The following ZFP90 variants were observed in gnomAD, a reference collection of about 807,000 sequenced individuals.
The protein encoded by ZFP90 is ZFP90 zinc finger protein, also known as zinc finger protein 90 homolog.
A neutral mutation model predicts 60.8 loss-of-function variants in ZFP90; 38 were observed. The ratio of observed to expected loss-of-function variants is 0.62; its 90% CI spans 0.48 to 0.82. The LOEUF (loss-of-function observed/expected upper bound fraction) is 0.82, where lower values mean the gene tolerates loss of function less well. ZFP90 is among the 40% of genes least tolerant of loss of function. The pLI is 0.00. For missense variants in ZFP90, 711 were observed against 759.1 expected, an observed-to-expected ratio of 0.94 and a Z score of 0.74; for synonymous variants, 287 against 264.8, an observed-to-expected ratio of 1.08 and a Z score of -0.82.
downstream of ZFP90, among the ~76,000 whole-genome samples, chr16:68,569,776 C>A (rs1042507926): frequency 6.6e-6 from 1 of 151,970 alleles, no homozygotes; most frequent in Non-Finnish European, 1.5e-5. Flanking sequence ...AACGTGGTCT[C>A]AAAAAAATAA....
chr16:68,545,912 C>T (rs1777494276), intron 2 of ZFP90, among the ~76,000 whole-genome samples: 1 of 152,180 alleles, frequency 6.6e-6, no homozygotes, highest in African/African-American at 2.4e-5. Context: ...CAGTGGCTCA[C>T]ACCTGTAATC....
At chr16:68,548,129 G>T (rs1448160391) in intron 2 of ZFP90, among the ~76,000 whole-genome samples, 1 of 151,964 alleles carries the variant, frequency 6.6e-6, no homozygotes, top group African/African-American at 2.4e-5. Flanking sequence ...GTCCGGCCCA[G>T]TTGATCATTT....
chr16:68,548,382 C>A (rs1175980080), intron 2 of ZFP90, among the ~76,000 whole-genome samples: 3 of 148,142 alleles, frequency 2.0e-5, no homozygotes, highest in Non-Finnish European at 3.0e-5. Context: ...TTTGTGTAAA[C>A]ATTGGTAGTT....
downstream of ZFP90, among the ~76,000 whole-genome samples, chr16:68,570,901 G>T (rs550161213): frequency 6.6e-6 from 1 of 152,132 alleles, no homozygotes; most frequent in Admixed American, 6.6e-5. Context: ...TTCCCCCAGG[G>T]CTCAGTTCTG....
rs193179258 is a variant in ZFP90 at position 68,541,531 on chromosome 16, G to C, written c.33+1706G>C. 3.6e-4 allele frequency among the ~76,000 whole-genome samples: 55 copies of C among 152,040 alleles called. 2 individuals carry two copies. Among genetic ancestry groups the C allele is most frequent in the Non-Finnish European group, 1.3e-4 (9 of 67,960 alleles). ...AGATGGGGTTTCACCATGTTGGCCA[G>C]GATGGTCTCGATCTCCTGACCTCCC... On this transcript the variant is annotated intron_variant, in intron 2 of 4. Transcript: ENST00000563169.
intron 2 of ZFP90, among the ~76,000 whole-genome samples, 169 bp downstream of exon 2, chr16:68,539,994 C>G (rs368711069): frequency 6.6e-6 from 1 of 152,174 alleles, no homozygotes; most frequent in Non-Finnish European, 1.5e-5. Flanking sequence ...GCTGGATTCC[C>G]AAAGGGGAGG....
At chr16:68,552,732 C>CT (rs1172180877) in intron 2 of ZFP90, among the ~76,000 whole-genome samples, 4 of 152,056 alleles carry the variant, frequency 2.6e-5, no homozygotes, top group Non-Finnish European at 4.4e-5. Context: ...ACTGAGGAAT[C>CT]TAAGTTTTAA....
chr16:68,575,697 G>T (rs528013303), intron 2 of ZFP90: 1 of 396,786 alleles, frequency 2.5e-6, no homozygotes, highest in East Asian at 3.6e-5. Flanking sequence ...TTCTCAATCC[G>T]GTCTGTGGAT....
chr16:68,570,650 A>G (rs1282272818), downstream of ZFP90, among the ~76,000 whole-genome samples: 4 of 152,236 alleles, frequency 2.6e-5, no homozygotes, highest in Non-Finnish European at 4.4e-5. Flanking sequence ...TGCTTTCAGC[A>G]CTGTCTGCTG....
intron 2 of ZFP90, among the ~76,000 whole-genome samples, chr16:68,547,964 A>T (rs894397895): frequency 6.6e-6 from 1 of 151,616 alleles, no homozygotes; most frequent in South Asian, 2.1e-4. Flanking sequence ...AGTAGCTGGG[A>T]TTACAGGCGT....
chr16:68,573,003 C>G (rs2031134501), intron 2 of ZFP90, among the ~76,000 whole-genome samples: 1 of 152,228 alleles, frequency 6.6e-6, no homozygotes, highest in African/African-American at 2.4e-5. Flanking sequence ...CATCAGAGAT[C>G]ACAAGTCAGG....
intron 2 of ZFP90, among the ~76,000 whole-genome samples, chr16:68,550,135 T>C (rs1462990764): frequency 6.6e-6 from 1 of 152,208 alleles, no homozygotes; most frequent in African/African-American, 2.4e-5. Context: ...TAGTAATAAA[T>C]ATTATTTAAA....
downstream of ZFP90, among the ~76,000 whole-genome samples, chr16:68,568,875 C>T (rs1176449518): frequency 3.3e-5 from 5 of 152,100 alleles, no homozygotes; most frequent in South Asian, 2.1e-4. Context: ...GATGAGTTTT[C>T]GCTATGTTGG....
In ZFP90 at chr16:68,563,298, G is replaced by T; in HGVS notation, c.511G>T (p.Val171Phe). Residue 171 changes from valine to phenylalanine, a missense_variant, in exon 5 of 5, where the codon GTT becomes TTT. Physicochemically the swap from Val to Phe is conservative, Grantham distance 50 (BLOSUM62 -1). This residue lies in a region of ZFP90 where 241 missense variants were observed against 247.6 expected (regional missense o/e 0.97). Transcript: ENST00000563169. ...GENSRLNTNL[V>F]TQLNIPARIR... is the part of the protein sequence containing the mutation. Reference sequence around the variant, plus strand: ...AAATTCTAGATTGAACACCAATTTGGTTACACAACTGAACATTCCTGCAAG... The same window carrying T: ...AAATTCTAGATTGAACACCAATTTGTTTACACAACTGAACATTCCTGCAAG... 1 of 1,614,080 alleles carries T rather than the reference G, an allele frequency of 6.2e-7. No homozygotes were observed. The highest frequency in any genetic ancestry group is 8.5e-7 in the Non-Finnish European group (1 of 1,180,002).
intron 4 of ZFP90, among the ~76,000 whole-genome samples, chr16:68,559,237 T>A (rs1453098050): frequency 6.6e-6 from 1 of 152,194 alleles, no homozygotes; most frequent in Non-Finnish European, 1.5e-5. Context: ...AGCTCTTTAT[T>A]CTATGCCATA....
chr16:68,572,326 G>A (rs1371102409), intron 2 of ZFP90, among the ~76,000 whole-genome samples: 1 of 152,152 alleles, frequency 6.6e-6, no homozygotes, highest in Non-Finnish European at 1.5e-5. Flanking sequence ...AATTAATGGG[G>A]CTTTTATTTT....
chr16:68,539,020 G>A (rs966555537), upstream of ZFP90, among the ~76,000 whole-genome samples: 1 of 152,184 alleles, frequency 6.6e-6, no homozygotes, highest in Admixed American at 6.5e-5. Flanking sequence ...CGAAAGGGGC[G>A]TACGATTGCT....
At chr16:68,557,147 C>T (rs759087646) in intron 2 of ZFP90, 2 of 453,406 alleles carry the variant, frequency 4.4e-6, no homozygotes, top group South Asian at 3.1e-5. Context: ...ACCACCATGC[C>T]AGGCTAATTT....
chr16:68,539,777 C>T lies in ZFP90; in HGVS notation c.-16C>T, dbSNP rs1305378815. The stretch of plus-strand genomic sequence containing the variant: ...CCCCAGCTCCTGCCCCGGAGCCGGG[C>T]CCTGGCGAGGCAGGAATGGCCCCGA... On this transcript the variant is annotated 5_prime_UTR_variant, in exon 2 of 5. Transcript: ENST00000563169. 3 of 1,589,308 alleles carry T rather than the reference C, an allele frequency of 1.9e-6. No individual in the cohort carries two copies. The highest frequency in any genetic ancestry group is 2.7e-5 in the African/African-American group (2 of 74,676).
Sources: allele counts gnomAD v4.1 joint callset (sites outside exome capture counted in the v4.1 genomes callset), GRCh38; gene constraint gnomAD v4.1.1; regional missense constraint gnomAD v4.1.1; transcripts MANE v1.5; gene names NCBI Gene and HGNC (gene_info 2026-07-23, HGNC 2026-07-21).